Variants in DLG2 observed in about 807,000 individuals in gnomAD.
DLG2 encodes disks large homolog 2.
In DLG2, 45 loss-of-function variants were observed where a neutral mutation model predicts 132.5. The observed-to-expected ratio is 0.34, with a 90% CI of 0.27 to 0.44. The LOEUF (loss-of-function observed/expected upper bound fraction) is 0.44. DLG2 is among the 20% of genes least tolerant of loss of function. The pLI, the probability that DLG2 is intolerant of heterozygous loss-of-function variation, is 1.00. For synonymous variants in DLG2, 424 were observed against 419.6 expected (o/e 1.01, Z -0.13); for missense variants, 1,045 against 1,196.9 (o/e 0.87, Z 1.87).
At chr11:83,654,707 T>A (rs1319746218) in intron 18 of DLG2, among the ~76,000 whole-genome samples, 1 of 152,240 alleles carries the variant, frequency 6.6e-6, no homozygotes, top group Non-Finnish European at 1.5e-5. Context: ...GCAGAGAGTC[T>A]TGTATGAGCG....
chr11:84,195,441 G>C (rs754181448), intron 8 of DLG2, among the ~76,000 whole-genome samples: 150 of 152,278 alleles, frequency 9.9e-4, no homozygotes, highest in Middle Eastern at 3.4e-3. Context: ...TGGGATTACA[G>C]GCATAAGCTA....
intron 3 of DLG2, among the ~76,000 whole-genome samples, chr11:85,346,143 A>T (rs1207613635): frequency 6.6e-6 from 1 of 151,576 alleles, no homozygotes; most frequent in African/African-American, 2.4e-5. Flanking sequence ...TATATATGAG[A>T]TGTGCTCTGC....
chr11:84,200,801 T>A (rs116847785), intron 8 of DLG2, among the ~76,000 whole-genome samples: 1 of 152,316 alleles, frequency 6.6e-6, no homozygotes, highest in Non-Finnish European at 1.5e-5. Flanking sequence ...TGATTCGGTA[T>A]CCTGAGACTT....
intron 3 of DLG2, among the ~76,000 whole-genome samples, chr11:85,440,030 G>A (rs1456606616): frequency 1.3e-5 from 2 of 152,048 alleles, no homozygotes; most frequent in African/African-American, 4.8e-5. Context: ...CTTACTATAT[G>A]GCTTAGGTAG....
intron 3 of DLG2, among the ~76,000 whole-genome samples, chr11:85,384,534 A>G (rs1390106111): frequency 6.6e-6 from 1 of 152,030 alleles, no homozygotes. Context: ...TTATAAACTG[A>G]GCTGAGGTAA....
At chr11:84,610,469 A>G (rs1162051660) in intron 6 of DLG2, among the ~76,000 whole-genome samples, 1 of 152,144 alleles carries the variant, frequency 6.6e-6, no homozygotes, top group East Asian at 1.9e-4. Context: ...GGTTCCAGAT[A>G]GTGACCTAAA....
intron 2 of DLG2, among the ~76,000 whole-genome samples, chr11:85,622,381 G>T (rs148318898): frequency 6.6e-6 from 1 of 151,696 alleles, no homozygotes; most frequent in Admixed American, 6.6e-5. Context: ...AACCTAACCC[G>T]CAATATCTCT....
chr11:83,823,808 A>T (rs1394306163), intron 17 of DLG2, among the ~76,000 whole-genome samples: 1 of 152,188 alleles, frequency 6.6e-6, no homozygotes, highest in African/African-American at 2.4e-5. Flanking sequence ...CCTCAATCTT[A>T]CAGCCTTCGT....
At chr11:85,471,749 C>G (rs967031271) in intron 3 of DLG2, among the ~76,000 whole-genome samples, 2 of 151,870 alleles carry the variant, frequency 1.3e-5, no homozygotes, top group African/African-American at 4.8e-5. Context: ...TCCCAGAAAG[C>G]AAATAGCAAC....
At chr11:84,270,043 G>A (rs1223687422) in intron 7 of DLG2, among the ~76,000 whole-genome samples, 1 of 152,076 alleles carries the variant, frequency 6.6e-6, no homozygotes, top group Non-Finnish European at 1.5e-5. Context: ...TAAAAACACA[G>A]GCCAGTCTCT....
At chr11:83,748,540 T>C (rs986223361) in intron 18 of DLG2, among the ~76,000 whole-genome samples, 1 of 152,162 alleles carries the variant, frequency 6.6e-6, no homozygotes, top group Admixed American at 6.5e-5. Flanking sequence ...AGATAAACAG[T>C]CATTACAGTG....
chr11:83,597,456 G>A (rs2057784965), intron 19 of DLG2, among the ~76,000 whole-genome samples: 1 of 152,118 alleles, frequency 6.6e-6, no homozygotes, highest in Non-Finnish European at 1.5e-5. Context: ...GGGAGGCCGA[G>A]GTGGCAGGAT....
intron 22 of DLG2, chr11:83,480,614 T>A: frequency 6.4e-7 from 1 of 1,557,408 alleles, no homozygotes; most frequent in Non-Finnish European, 8.7e-7. Context: ...CGCTGCTTGA[T>A]TGCTGTTTCT....
At chr11:83,734,648 AC>A (rs145457214) in intron 18 of DLG2, among the ~76,000 whole-genome samples, 1 of 152,006 alleles carries the variant, frequency 6.6e-6, no homozygotes, top group Non-Finnish European at 1.5e-5. Flanking sequence ...ATGGGGTTTC[AC>A]CACGTTGGCT....
At chr11:84,344,313 G>A (rs995410743) in intron 7 of DLG2, among the ~76,000 whole-genome samples, 1 of 152,024 alleles carries the variant, frequency 6.6e-6, no homozygotes, top group African/African-American at 2.4e-5. Flanking sequence ...CTAACATTGG[G>A]GTGATAATAG....
intron 8 of DLG2, among the ~76,000 whole-genome samples, chr11:84,206,822 GT>G (rs2096672625): frequency 6.6e-6 from 1 of 150,996 alleles, no homozygotes; most frequent in Admixed American, 6.6e-5. Flanking sequence ...AAATGACTTT[GT>G]TTGCAGATGA....
At position 83,500,194 on chromosome 11, in the gene DLG2, G is replaced by C. The variant is rs969644505; in HGVS notation, c.2194-15966C>G. Among the ~76,000 whole-genome samples the C allele has an allele frequency of 1.3e-4, 20 of 151,866 alleles. 1 individual carries two copies. Among genetic ancestry groups the C allele is most frequent in the African/African-American group, 4.4e-4 (18 of 41,354 alleles). On this transcript the variant is annotated intron_variant, in intron 21 of 27. Coordinates refer to ENST00000376104, the MANE Select transcript of DLG2 (RefSeq NM_001142699.3). ...GAGGTTCTTTAGTATTGTAGCTCCA[G>C]TTCCTAGCACAATGCCTGGATTATG...
At chr11:84,371,259 CTTT>C (rs576166355) in intron 7 of DLG2, among the ~76,000 whole-genome samples, 9 of 137,718 alleles carry the variant, frequency 6.5e-5, no homozygotes, top group Admixed American at 1.4e-4. Flanking sequence ...TATACAAAAT[CTTT>C]TTTTTTTTTT....
At chr11:85,115,513 A>C (rs569661844) in intron 5 of DLG2, among the ~76,000 whole-genome samples, 1 of 152,126 alleles carries the variant, frequency 6.6e-6, no homozygotes, top group South Asian at 2.1e-4. Context: ...GGATAAATAA[A>C]CCATTTCATG....
Sources: allele counts gnomAD v4.1 joint callset (sites outside exome capture counted in the v4.1 genomes callset), GRCh38; gene constraint gnomAD v4.1.1; transcripts MANE v1.5; gene names NCBI Gene and HGNC (gene_info 2026-07-23, HGNC 2026-07-21).